AGBL1: variants seen among roughly 807,000 people sequenced by gnomAD.
AGBL1 encodes AGBL carboxypeptidase 1.
Under a neutral mutation model 118.9 loss-of-function variants are expected in AGBL1, and 130 were observed. The ratio of observed to expected loss-of-function variants is 1.09; its 90% CI spans 0.95 to 1.26. The LOEUF (loss-of-function observed/expected upper bound fraction) is 1.26, where lower values mean the gene tolerates loss of function less well. AGBL1 is among the 50% of genes most tolerant of loss of function. The pLI, the probability that AGBL1 is intolerant of heterozygous loss-of-function variation, is 0.00. For missense variants in AGBL1, 1,584 were observed against 1,298.1 expected (o/e 1.22, Z -3.38); for synonymous variants, 555 against 478.9 (o/e 1.16, Z -2.08).
intron 17 of AGBL1, among the ~76,000 whole-genome samples, chr15:86,368,297 A>G (rs931129335): frequency 1.3e-5 from 2 of 152,116 alleles, no homozygotes; most frequent in African/African-American, 4.8e-5. Flanking sequence ...AGATAAACAT[A>G]AACAACAACC....
At chr15:86,396,730 T>C (rs1482197897) in intron 17 of AGBL1, among the ~76,000 whole-genome samples, 1 of 152,152 alleles carries the variant, frequency 6.6e-6, no homozygotes, top group East Asian at 1.9e-4. Context: ...TTATATTTAC[T>C]TCTTTTTGTT....
chr15:86,793,436 T>C (rs916387141), intron 22 of AGBL1, among the ~76,000 whole-genome samples: 1 of 152,108 alleles, frequency 6.6e-6, no homozygotes. Context: ...AAAGAATGAA[T>C]TTGGACCTTA....
At chr15:86,516,263 C>A (rs139830526) in intron 18 of AGBL1, among the ~76,000 whole-genome samples, 1 of 152,228 alleles carries the variant, frequency 6.6e-6, no homozygotes, top group East Asian at 1.9e-4. Flanking sequence ...AATTGTGAGG[C>A]AGGTATGTAG....
chr15:86,617,015 C>T (rs1469297036), intron 21 of AGBL1, among the ~76,000 whole-genome samples: 1 of 152,186 alleles, frequency 6.6e-6, no homozygotes, highest in Non-Finnish European at 1.5e-5. Context: ...ATTATGATCC[C>T]ATTTCCAGTT....
chr15:86,295,269 C>G lies in AGBL1; in HGVS notation c.2235C>G (p.Ile745Met). The change falls in exon 17 of 23, where the codon ATC (isoleucine) becomes ATG (methionine). Residue 745 changes from isoleucine (I) to methionine (M), a missense_variant. By Grantham distance (10) the Ile-to-Met change is conservative (BLOSUM62 1). Transcript: ENST00000614907. ...TYTALMTHLDILEKSVNLKEV... is the reference protein window; with the variant it reads ...TYTALMTHLDMLEKSVNLKEV... ...TTCTGCTCCAGACTCATCTTGACAT[C>G]CTGGAAAAGAGTGTCAACCTCAAAG... 2.5e-6 allele frequency: 4 copies of G among 1,613,604 alleles called. No homozygotes were observed. Among genetic ancestry groups the G allele is most frequent in the Non-Finnish European group, 2.5e-6 (3 of 1,179,692 alleles).
rs567164507 is a variant in AGBL1 at position 86,958,797 on chromosome 15, T to C, written c.3222-29190T>C. Among the ~76,000 whole-genome samples, 92 of 152,294 alleles carry C rather than the reference T, an allele frequency of 6.0e-4. 1 individual carries two copies. The South Asian group carries it at 0.019, about 31-fold the overall frequency. On this transcript the variant is annotated intron_variant, in intron 23 of 24. Transcript: ENST00000441037. ...AGCATGAAAACAATTTTACTATCCA[T>C]TATTAAGACAAATAAACTTTATGTT...
intron 5 of AGBL1, among the ~76,000 whole-genome samples, chr15:86,206,343 T>C (rs902626518): frequency 4.6e-5 from 7 of 152,324 alleles, no homozygotes; most frequent in Middle Eastern, 3.4e-3. Flanking sequence ...ATAGGATGGC[T>C]GGGTCAAATG....
intron 18 of AGBL1, among the ~76,000 whole-genome samples, chr15:86,506,347 A>C (rs377577747): frequency 1.3e-5 from 2 of 151,972 alleles, no homozygotes; most frequent in South Asian, 4.1e-4. Context: ...TTTTAGTTTT[A>C]AGTTCGGTGG....
At chr15:86,724,318 A>T (rs2086786843) in intron 22 of AGBL1, among the ~76,000 whole-genome samples, 1 of 151,862 alleles carries the variant, frequency 6.6e-6, no homozygotes, top group South Asian at 2.1e-4. Context: ...CATCGGCAAT[A>T]AGGAAACCAA....
At chr15:86,566,365 T>A (rs561938708) in intron 21 of AGBL1, among the ~76,000 whole-genome samples, 1 of 138,430 alleles carries the variant, frequency 7.2e-6, no homozygotes, top group Non-Finnish European at 1.5e-5. Flanking sequence ...GGCTGTTCTA[T>A]CCACTATTTC....
chr15:86,647,457 T>A (rs896152114), intron 21 of AGBL1, among the ~76,000 whole-genome samples: 2 of 152,192 alleles, frequency 1.3e-5, no homozygotes, highest in African/African-American at 4.8e-5. Context: ...TCCCAGCACT[T>A]TGGGAGGCCA....
At chr15:87,028,837 T>C (rs1402398795) in exon 25 of AGBL1, 1 of 1,606,008 alleles carries the variant, frequency 6.2e-7, no homozygotes, top group Admixed American at 1.7e-5. Context: ...TTTGTGACAC[T>C]TGATGAGGCT....
intron 22 of AGBL1, among the ~76,000 whole-genome samples, chr15:86,892,432 T>C (rs1426505093): frequency 6.6e-6 from 1 of 152,188 alleles, no homozygotes; most frequent in African/African-American, 2.4e-5. Flanking sequence ...AGAGTAGACC[T>C]TATCTATAAA....
At chr15:86,753,991 T>C (rs1448796671) in intron 22 of AGBL1, among the ~76,000 whole-genome samples, 1 of 152,124 alleles carries the variant, frequency 6.6e-6, no homozygotes, top group Non-Finnish European at 1.5e-5. Context: ...CATCATATGC[T>C]GTGACAATTG....
chr15:87,017,036 C>T (rs1032691031), intron 24 of AGBL1, among the ~76,000 whole-genome samples: 5 of 152,126 alleles, frequency 3.3e-5, no homozygotes, highest in African/African-American at 1.2e-4. Flanking sequence ...AGCTGAGCAG[C>T]ATCATTCTGC....
At chr15:86,353,780 G>A (rs1401577782) in intron 17 of AGBL1, among the ~76,000 whole-genome samples, 3 of 152,144 alleles carry the variant, frequency 2.0e-5, no homozygotes, top group African/African-American at 7.2e-5. Flanking sequence ...TTTTAGGGAA[G>A]AATGGGAGTA....
intron 17 of AGBL1, among the ~76,000 whole-genome samples, chr15:86,393,635 G>A (rs547227258): frequency 2.7e-4 from 41 of 152,106 alleles, no homozygotes; most frequent in African/African-American, 8.4e-4. Flanking sequence ...TTGACCTCCC[G>A]TTAATTTCAG....
chr15:86,770,550 A>C (rs1239963008), intron 22 of AGBL1, among the ~76,000 whole-genome samples: 1 of 152,026 alleles, frequency 6.6e-6, no homozygotes, highest in Non-Finnish European at 1.5e-5. Flanking sequence ...CCAGAAATTA[A>C]GAAAGACACC....
intron 4 of AGBL1, among the ~76,000 whole-genome samples, 200 bp from the exon 5 acceptor site, chr15:86,158,733 C>A (rs74760445): frequency 2.0e-5 from 3 of 152,268 alleles, no homozygotes; most frequent in Middle Eastern, 3.4e-3. Context: ...ATTCTAGTTG[C>A]GGCACAGTCA....
Sources: gnomAD v4.1 joint callset for allele counts (sites outside exome capture counted in the v4.1 genomes callset) on GRCh38, gnomAD v4.1.1 for gene constraint, MANE v1.5 for transcripts, NCBI Gene and HGNC (gene_info 2026-07-23, HGNC 2026-07-21) for gene names.